The following MRC2 variants were observed in gnomAD, a reference collection of about 807,000 sequenced individuals.
MRC2 encodes the protein mannose receptor C-type 2, also known as C-type mannose receptor 2.
A neutral mutation model predicts 206.2 loss-of-function variants in MRC2; 84 were observed. The ratio of observed to expected loss-of-function variants is 0.41; its 90% CI spans 0.34 to 0.49. The LOEUF (loss-of-function observed/expected upper bound fraction) is 0.49, where lower values mean the gene tolerates loss of function less well. MRC2 is among the 20% of genes least tolerant of loss of function. MRC2 has a pLI of 0.31. For synonymous variants in MRC2, 798 were observed against 800.0 expected (o/e 1.00, Z 0.04); for missense variants, 1,676 against 2,001.5 (o/e 0.84, Z 3.10).
intron 1 of MRC2, among the ~76,000 whole-genome samples, chr17:62,654,028 AC>A (rs1173687004): frequency 1.3e-5 from 2 of 152,040 alleles, no homozygotes; most frequent in African/African-American, 4.8e-5. Context: ...TGACTCAAGG[AC>A]ATTTCCAGGC....
At chr17:62,676,564 C>G (rs369360304) in intron 11 of MRC2, 33 bp downstream of exon 11, 2 of 1,552,374 alleles carry the variant, frequency 1.3e-6, no homozygotes, top group African/African-American at 1.4e-5. Context: ...CTTGGTGAAG[C>G]GAGGAGGGAG....
Position 62,627,770 on chromosome 17 carries a change from G to T in MRC2, c.-33G>T. ...CAGCGCGTTGCGCCTGTGCGCCCTC[G>T]GTCCCCGCGTCCACTGAGCGCCGCG... On this transcript the variant is annotated 5_prime_UTR_variant, in exon 1 of 30. Transcript: ENST00000303375. The T allele has an allele frequency of 7.3e-7, 1 of 1,370,638 alleles. No homozygotes were observed. Among genetic ancestry groups the T allele is most frequent in the Non-Finnish European group, 9.4e-7 (1 of 1,069,014 alleles). The allele number at this position is 1,370,638 out of a possible 1,614,324, so 84.9% of individuals were successfully genotyped here.
chr17:62,635,319 GA>G (rs548733445), intron 1 of MRC2, among the ~76,000 whole-genome samples: 205 of 142,870 alleles, frequency 1.4e-3, no homozygotes, highest in African/African-American at 5.0e-3. Flanking sequence ...AAATACCAAA[GA>G]AAAAAAATCC....
chr17:62,630,555 T>C (rs1032948376), intron 1 of MRC2, among the ~76,000 whole-genome samples: 1 of 151,962 alleles, frequency 6.6e-6, no homozygotes, highest in African/African-American at 2.4e-5. Flanking sequence ...GGGAGAAGGT[T>C]GAGTGAAAGA....
At chr17:62,631,361 G>A (rs1443505709) in intron 1 of MRC2, among the ~76,000 whole-genome samples, 1 of 152,092 alleles carries the variant, frequency 6.6e-6, no homozygotes, top group Non-Finnish European at 1.5e-5. Flanking sequence ...CACACCTGGC[G>A]TGAAAATGTT....
Position 62,664,529 on chromosome 17 carries a change from G to A in MRC2, c.119-19G>A. 6.3e-7 allele frequency: 1 copy of A among 1,593,356 alleles called. No individual in the cohort carries two copies. Among genetic ancestry groups the A allele is most frequent in the Non-Finnish European group, 8.5e-7 (1 of 1,170,068 alleles). On this transcript the variant is annotated intron_variant, in intron 1 of 29. Transcript: ENST00000303375. The surrounding 1 kb of genome is among the most constrained non-coding windows in gnomAD (Gnocchi z 4.7). ...AGGAGAGCCCCTGTGATGCCTTCGTGTCTTGCCTTCCCTTCCAGAACCCAA... is the reference window on the plus strand; with the variant it reads ...AGGAGAGCCCCTGTGATGCCTTCGTATCTTGCCTTCCCTTCCAGAACCCAA...
chr17:62,667,253 G>A lies in MRC2; in HGVS notation c.974-137G>A. 8.5e-7 allele frequency: 1 copy of A among 1,170,812 alleles called. No homozygotes were observed. Among genetic ancestry groups the A allele is most frequent in the Non-Finnish European group, 1.2e-6 (1 of 853,368 alleles). The allele number at this position is 1,170,812 out of a possible 1,614,324, so 72.5% of individuals were successfully genotyped here. A position where few individuals can be genotyped will look rare whatever the true frequency, so the allele number is the denominator to read the frequency against. On this transcript the variant is annotated intron_variant, in intron 5 of 29. Coordinates refer to ENST00000303375, the MANE Select transcript of MRC2 (RefSeq NM_006039.5). The surrounding 1 kb of genome is among the most constrained non-coding windows in gnomAD (Gnocchi z 4.1). Reference sequence around the variant, plus strand: ...GACCCCGTGGTCTGGGGCGGAGCTGGAGCTGAGCACCAGGCTTCCCGAACT... The same window carrying A: ...GACCCCGTGGTCTGGGGCGGAGCTGAAGCTGAGCACCAGGCTTCCCGAACT...
chr17:62,642,991 C>T (rs987058191), intron 1 of MRC2, among the ~76,000 whole-genome samples: 8 of 152,136 alleles, frequency 5.3e-5, no homozygotes, highest in Admixed American at 5.2e-4. Flanking sequence ...AGTTCACAAA[C>T]TGAGCCAGAC....
Position 62,676,421 on chromosome 17 carries a change from G to C in MRC2, c.1724G>C (p.Trp575Ser). 1 of 1,614,090 alleles carries C rather than the reference G, an allele frequency of 6.2e-7. No individual in the cohort carries two copies. The highest frequency in any genetic ancestry group is 1.3e-5 in the African/African-American group (1 of 75,044). The change falls in exon 11 of 30, where the codon TGG becomes TCG. Residue 575 changes from tryptophan (W) to serine (S), a missense_variant. Trp to Ser is a radical substitution (Grantham distance 177). Around this residue, in one of 3 missense-constraint regions of MRC2, gnomAD observed 1,354 missense variants for 1,636.6 expected, o/e 0.83. Transcript: ENST00000303375. ...TTCGTCAGCAGCCTCATCTACAACT[G>C]GGAGGGCGAGTACTTCTGGACGGCC... ...QAFVSSLIYN[W>S]EGEYFWTALQ... is the part of the protein sequence containing the mutation.
intron 1 of MRC2, among the ~76,000 whole-genome samples, chr17:62,639,103 G>GGCC (rs2088365635): frequency 6.6e-6 from 1 of 152,224 alleles, no homozygotes; most frequent in African/African-American, 2.4e-5. Context: ...GGGAGGCCAA[G>GGCC]GCAGGCGGAT....
In MRC2 at chr17:62,664,431, A is replaced by C; in HGVS notation, c.119-117A>C. The C allele has an allele frequency of 2.6e-6, 3 of 1,157,880 alleles. No individual in the cohort carries two copies. The highest frequency in any genetic ancestry group is 3.7e-6 in the Non-Finnish European group (3 of 815,946). The allele number at this position is 1,157,880 out of a possible 1,614,324, so 71.7% of individuals were successfully genotyped here. A position where few individuals can be genotyped will look rare whatever the true frequency, so the allele number is the denominator to read the frequency against. ...TGAGTACCGAGTGATTTAACGTATG[A>C]GTGACGGCTCACCATCCTGCACTGG... On this transcript the variant is annotated intron_variant, in intron 1 of 29. Transcript: ENST00000303375. The surrounding 1 kb of genome is among the most constrained non-coding windows in gnomAD (Gnocchi z 4.7).
Position 62,664,976 on chromosome 17 carries a change from G to A in MRC2, c.520+27G>A, listed in dbSNP as rs1052725547. The A allele has an allele frequency of 2.5e-6, 4 of 1,573,888 alleles. No homozygotes were observed. In the African/African-American group the frequency reaches 5.4e-5, roughly 21 times the overall value. On this transcript the variant is annotated intron_variant, in intron 2 of 29. Coordinates refer to ENST00000303375, the MANE Select transcript of MRC2 (RefSeq NM_006039.5). This position sits in a 1 kb window ranked among gnomAD's most constrained non-coding sequence, Gnocchi z 4.7. ...TGAGGGGCCGCTTGCAGGCGGGAGGGTGGGGTCCCCGATGTCCAGGGGACT... is the reference window on the plus strand; with the variant it reads ...TGAGGGGCCGCTTGCAGGCGGGAGGATGGGGTCCCCGATGTCCAGGGGACT...
Position 62,689,637 on chromosome 17 carries a change from CCTG to C in MRC2, c.3454_3456del (p.Leu1152del). 6.2e-7 allele frequency: 1 copy of C among 1,601,630 alleles called. No individual in the cohort carries two copies. Among genetic ancestry groups the C allele is most frequent in the Non-Finnish European group, 8.5e-7 (1 of 1,174,448 alleles). ...AGCCGCTGCGCTGGCACGATGCCCTCCTGCTGTGTGAGAGCCGCAATGCCAGCC... is the reference window on the plus strand; with the variant it reads ...AGCCGCTGCGCTGGCACGATGCCCTCCTGTGTGAGAGCCGCAATGCCAGCC... On this transcript the variant is annotated inframe_deletion, in exon 24 of 30. Coordinates refer to ENST00000303375, the MANE Select transcript of MRC2 (RefSeq NM_006039.5).
intron 12 of MRC2, among the ~76,000 whole-genome samples, 180 bp downstream of exon 12, chr17:62,677,666 A>G (rs937958513): frequency 6.6e-6 from 1 of 152,092 alleles, no homozygotes; most frequent in Non-Finnish European, 1.5e-5. Context: ...TCATTTGAGG[A>G]ATTGAGGGAA....
At chr17:62,655,591 T>C (rs1011838731) in intron 1 of MRC2, among the ~76,000 whole-genome samples, 1 of 150,690 alleles carries the variant, frequency 6.6e-6, no homozygotes, top group Non-Finnish European at 1.5e-5. Context: ...GTGGGGTGCA[T>C]GCCTATAGTC....
intron 1 of MRC2, among the ~76,000 whole-genome samples, chr17:62,647,416 C>T (rs1039912064): frequency 6.6e-6 from 1 of 151,756 alleles, no homozygotes; most frequent in Non-Finnish European, 1.5e-5. Context: ...AACTCCTGAC[C>T]TCAGGTGATC....
intron 1 of MRC2, among the ~76,000 whole-genome samples, chr17:62,634,037 G>A (rs2088280733): frequency 1.3e-5 from 2 of 152,084 alleles, no homozygotes; most frequent in South Asian, 4.1e-4. Flanking sequence ...CATAGGCAGA[G>A]GAGTAGCACT....
rs758524635 is a variant in MRC2 at position 62,682,231 on chromosome 17, G to T, written c.2804-4G>T. 1.3e-6 allele frequency: 2 copies of T among 1,576,990 alleles called. No individual in the cohort carries two copies. Among genetic ancestry groups the T allele is most frequent in the South Asian group, 1.2e-5 (1 of 86,344 alleles). ...GTGACTGCCCTCCCCTCCCCTTTCC[G>T]CAGAGGACTGGGGGGACCAGAGGTG... On this transcript the variant is annotated splice_polypyrimidine_tract_variant and splice_region_variant and intron_variant, in intron 19 of 29. Coordinates refer to ENST00000303375, the MANE Select transcript of MRC2 (RefSeq NM_006039.5).
At chr17:62,636,329 G>A (rs189658257) in intron 1 of MRC2, among the ~76,000 whole-genome samples, 1 of 151,538 alleles carries the variant, frequency 6.6e-6, no homozygotes, top group Admixed American at 6.6e-5. Flanking sequence ...AAAATGTGAA[G>A]TCCACTCCCT....
Sources: allele counts gnomAD v4.1 joint callset (sites outside exome capture counted in the v4.1 genomes callset), GRCh38; gene constraint gnomAD v4.1.1; regional missense constraint gnomAD v4.1.1; non-coding constraint Gnocchi (gnomAD v3.1); transcripts MANE v1.5; gene names NCBI Gene and HGNC (gene_info 2026-07-23, HGNC 2026-07-21).